Variants in BCAS3 observed in about 807,000 individuals in gnomAD.
BCAS3 encodes the protein BCAS4/BCAS3 fusion.
BCAS3 carries 53 observed loss-of-function variants against 116.1 expected under a neutral mutation model. The ratio of observed to expected loss-of-function variants is 0.46; its 90% CI spans 0.37 to 0.57. The LOEUF (loss-of-function observed/expected upper bound fraction) is 0.57, where lower values mean the gene tolerates loss of function less well. BCAS3 is among the 20% of genes least tolerant of loss of function. The probability of loss-of-function intolerance (pLI) is 0.00; values close to 1 mark genes in which losing one functional copy is unlikely to be tolerated. For synonymous variants in BCAS3, 391 were observed against 408.2 expected, an observed-to-expected ratio of 0.96 and a Z score of 0.51; for missense variants, 917 against 1,165.4, an observed-to-expected ratio of 0.79 and a Z score of 3.10.
At chr17:60,704,837 C>CAA (rs34195685) in intron 4 of BCAS3, among the ~76,000 whole-genome samples, 2 of 142,392 alleles carry the variant, frequency 1.4e-5, no homozygotes, top group Admixed American at 1.4e-4. Flanking sequence ...GACTCAGTCT[C>CAA]AAAAAAAAAA....
At chr17:61,271,947 C>T (rs1335439717) in intron 22 of BCAS3, among the ~76,000 whole-genome samples, 1 of 147,764 alleles carries the variant, frequency 6.8e-6, no homozygotes, top group Non-Finnish European at 1.5e-5. Context: ...GTTGCTGGGA[C>T]TACAGGCACA....
intron 7 of BCAS3, among the ~76,000 whole-genome samples, chr17:60,850,041 AC>A (rs1475154604): frequency 2.0e-5 from 3 of 152,126 alleles, no homozygotes; most frequent in Non-Finnish European, 4.4e-5. Context: ...TAGAGACGGA[AC>A]CCACTGCACT....
At chr17:61,185,597 A>G (rs1325007500) in intron 22 of BCAS3, among the ~76,000 whole-genome samples, 1 of 152,188 alleles carries the variant, frequency 6.6e-6, no homozygotes, top group African/African-American at 2.4e-5. Flanking sequence ...TTCATCGGTC[A>G]AACTGTCCTT....
In BCAS3 at chr17:61,137,064, G is replaced by A. The variant is rs139391143; in HGVS notation, c.2425+52500G>A. Among the ~76,000 whole-genome samples the A allele has an allele frequency of 3.1e-3, 473 of 152,286 alleles. 3 individuals carry two copies. The highest frequency in any genetic ancestry group is 0.011 in the African/African-American group (458 of 41,560). On this transcript the variant is annotated intron_variant, in intron 22 of 23. Transcript: ENST00000407086. ...GTTATTATTAGTGGCATTATTATGA[G>A]GTGGTTTCCATTTGTTTTCCTCAGT...
intron 6 of BCAS3, among the ~76,000 whole-genome samples, chr17:60,763,223 C>T (rs1448175483): frequency 2.0e-5 from 3 of 152,292 alleles, no homozygotes; most frequent in Admixed American, 6.5e-5. Context: ...CCAGAACTTC[C>T]AACACTATGT....
intron 19 of BCAS3, among the ~76,000 whole-genome samples, chr17:61,059,855 G>A (rs1320274972): frequency 6.6e-6 from 1 of 151,994 alleles, no homozygotes; most frequent in Non-Finnish European, 1.5e-5. Flanking sequence ...GTGAAACCCT[G>A]TCTCTACTAA....
At chr17:61,170,185 A>G (rs1019671775) in intron 22 of BCAS3, among the ~76,000 whole-genome samples, 1 of 151,644 alleles carries the variant, frequency 6.6e-6, no homozygotes, top group African/African-American at 2.4e-5. Context: ...TGGGTATTCC[A>G]CACATCGAAT....
chr17:60,905,587 T>C (rs2058145530), intron 11 of BCAS3, among the ~76,000 whole-genome samples: 1 of 152,202 alleles, frequency 6.6e-6, no homozygotes, highest in Admixed American at 6.5e-5. Flanking sequence ...TTGTTTCTGC[T>C]CGTTCTCATT....
At chr17:60,785,222 G>A (rs1350601843) in intron 6 of BCAS3, among the ~76,000 whole-genome samples, 1 of 152,038 alleles carries the variant, frequency 6.6e-6, no homozygotes, top group Non-Finnish European at 1.5e-5. Flanking sequence ...GCAGTGGTGC[G>A]ATCTCGGCTC....
intron 7 of BCAS3, among the ~76,000 whole-genome samples, chr17:60,825,165 C>CAAAA (rs796973382): frequency 1.8e-5 from 2 of 110,280 alleles, no homozygotes; most frequent in African/African-American, 3.2e-5. Flanking sequence ...GAACCTGTCT[C>CAAAA]AAAAAAAAAA....
At chr17:60,786,436 C>T (rs911546234) in intron 6 of BCAS3, among the ~76,000 whole-genome samples, 2 of 151,850 alleles carry the variant, frequency 1.3e-5, no homozygotes, top group Admixed American at 6.6e-5. Context: ...GTAGGAGGAT[C>T]GCTTGAGCCT....
At position 61,311,357 on chromosome 17, in the gene BCAS3, A is replaced by C. The variant is rs112465461; in HGVS notation, c.2426-56970A>C. ...TTTCCAGCCTCATCAGACATTGGGG[A>C]TTCTATGTGAGGGCACCTCTCCAAG... On this transcript the variant is annotated intron_variant, in intron 22 of 23. Transcript: ENST00000407086. 8.2e-3 allele frequency among the ~76,000 whole-genome samples: 1,256 copies of C among 152,262 alleles called. 6 individuals are homozygous for C. Among genetic ancestry groups the C allele is most frequent in the Non-Finnish European group, 0.014 (951 of 68,002 alleles).
intron 16 of BCAS3, among the ~76,000 whole-genome samples, chr17:61,022,107 A>G (rs1040979114): frequency 2.0e-5 from 3 of 152,238 alleles, no homozygotes; most frequent in African/African-American, 7.2e-5. Context: ...ATGTGACTAC[A>G]TATGCAATAT....
Position 61,261,972 on chromosome 17 carries a change from C to T in BCAS3, c.2426-106355C>T, listed in dbSNP as rs181180602. Among the ~76,000 whole-genome samples, 2 of 152,016 alleles carry T rather than the reference C, an allele frequency of 1.3e-5. No individual in the cohort carries two copies. Among genetic ancestry groups the T allele is most frequent in the Admixed American group, 6.6e-5 (1 of 15,252 alleles). Reference sequence around the variant, plus strand: ...AAGAGAGATGAGACAAGGATGTCCACGAATACCGTTTCTATTCAGTGTTAT... The same window carrying T: ...AAGAGAGATGAGACAAGGATGTCCATGAATACCGTTTCTATTCAGTGTTAT... On this transcript the variant is annotated intron_variant, in intron 22 of 23. Transcript: ENST00000407086. This position sits in a 1 kb window ranked among gnomAD's most constrained non-coding sequence, Gnocchi z 4.4.
At position 61,324,868 on chromosome 17, in the gene BCAS3, T is replaced by C. The variant is rs1369531168; in HGVS notation, c.2426-43459T>C. ...AACAAAAAAGAAGATGTAGACTGTG[T>C]GATCTCTGAAATTTCTCCATGTTCA... On this transcript the variant is annotated intron_variant, in intron 22 of 23. Coordinates refer to ENST00000407086, the MANE Select transcript of BCAS3 (RefSeq NM_017679.5). The surrounding 1 kb of genome is among the most constrained non-coding windows in gnomAD (Gnocchi z 4.6). 6.6e-6 allele frequency among the ~76,000 whole-genome samples: 1 copy of C among 151,798 alleles called. No homozygotes were observed. The highest frequency in any genetic ancestry group is 1.5e-5 in the Non-Finnish European group (1 of 67,972).
intron 6 of BCAS3, among the ~76,000 whole-genome samples, chr17:60,804,981 TC>T (rs376236881): frequency 0.023 from 3,546 of 151,502 alleles, 136 homozygotes; most frequent in African/African-American, 0.082. Context: ...TTTTTTTTTT[TC>T]CCCCAAGCAC....
At chr17:61,317,281 G>A (rs2054826029) in intron 22 of BCAS3, among the ~76,000 whole-genome samples, 1 of 152,170 alleles carries the variant, frequency 6.6e-6, no homozygotes, top group Non-Finnish European at 1.5e-5. Context: ...AGAGAGAGGG[G>A]ACTCCTCCAG....
chr17:61,183,676 G>A lies in BCAS3; in HGVS notation c.2425+99112G>A, dbSNP rs141789551. On this transcript the variant is annotated intron_variant, in intron 22 of 23. Coordinates refer to ENST00000407086, the MANE Select transcript of BCAS3 (RefSeq NM_017679.5). ...TATGGTATGTCCAGAAAAAGAAAGA[G>A]GGAGTTCACCAACCTGTACAAAGCT... is the stretch of plus-strand genomic sequence containing the variant. Among the ~76,000 whole-genome samples the A allele has an allele frequency of 2.0e-5, 3 of 152,304 alleles. No individual in the cohort carries two copies. In the East Asian group the frequency reaches 5.8e-4, roughly 29 times the overall value.
At chr17:61,252,956 T>C (rs1281543622) in intron 22 of BCAS3, among the ~76,000 whole-genome samples, 1 of 150,484 alleles carries the variant, frequency 6.6e-6, no homozygotes, top group Non-Finnish European at 1.5e-5. Context: ...CTCAGCTCAC[T>C]GCAACCTCCA....
Sources: allele counts gnomAD v4.1 joint callset (sites outside exome capture counted in the v4.1 genomes callset), GRCh38; gene constraint gnomAD v4.1.1; non-coding constraint Gnocchi (gnomAD v3.1); transcripts MANE v1.5; gene names NCBI Gene and HGNC (gene_info 2026-07-23, HGNC 2026-07-21).